The following KCNC4 variants were observed in gnomAD, a reference collection of about 807,000 sequenced individuals.
KCNC4 encodes the protein voltage-gated potassium channel KCNC4.
A neutral mutation model predicts 42.8 loss-of-function variants in KCNC4; 23 were observed. The observed-to-expected ratio is 0.54, with a 90% CI of 0.39 to 0.76. The LOEUF is 0.76. KCNC4 is among the 30% of genes least tolerant of loss of function. The pLI is 0.00. For synonymous variants in KCNC4, 422 were observed against 393.5 expected, an observed-to-expected ratio of 1.07 and a Z score of -0.86; for missense variants, 751 against 898.2, an observed-to-expected ratio of 0.84 and a Z score of 2.10.
rs1657367536 is a variant in KCNC4, at chr1:110,210,421, C to T, written c.-1079C>T. On this transcript the variant is annotated 5_prime_UTR_variant, in exon 1 of 4. Coordinates refer to ENST00000438661, the MANE Select transcript of KCNC4 (RefSeq NM_001039574.3). The stretch of plus-strand genomic sequence containing the variant: ...CTCCCCTATGCCACCTCGCGCCCGC[C>T]CCCTGCCGCGCGCGAGCCAAGGCCG... Among the ~76,000 whole-genome samples the T allele has an allele frequency of 6.6e-6, 1 of 151,546 alleles. No individual in the cohort carries two copies. Among genetic ancestry groups the T allele is most frequent in the African/African-American group, 2.4e-5 (1 of 41,344 alleles).
chr1:110,274,333 C>T (rs1478456569), intron 1 of KCNC4, among the ~76,000 whole-genome samples: 1 of 152,034 alleles, frequency 6.6e-6, no homozygotes, highest in Admixed American at 6.6e-5. Flanking sequence ...ATGAGGAAAA[C>T]TACAAAACAC....
At chr1:110,277,827 G>A (rs1659751575) in intron 1 of KCNC4, among the ~76,000 whole-genome samples, 1 of 151,976 alleles carries the variant, frequency 6.6e-6, no homozygotes, top group Admixed American at 6.6e-5. Flanking sequence ...TTTTGTGTGG[G>A]GTGTTATTAG....
chr1:110,227,616 G>A (rs1027202658), intron 3 of KCNC4, among the ~76,000 whole-genome samples: 1 of 152,204 alleles, frequency 6.6e-6, no homozygotes, highest in African/African-American at 2.4e-5. Context: ...TCCCAAACAG[G>A]CAGTGGCTTC....
At chr1:110,218,803 G>A (rs1465771904) in intron 1 of KCNC4, among the ~76,000 whole-genome samples, 1 of 152,182 alleles carries the variant, frequency 6.6e-6, no homozygotes, top group Non-Finnish European at 1.5e-5. Context: ...GGTTGGTGGA[G>A]GAGGATGGTA....
intron 1 of KCNC4, among the ~76,000 whole-genome samples, chr1:110,254,621 A>C (rs553936721): frequency 6.6e-6 from 1 of 152,318 alleles, no homozygotes; most frequent in African/African-American, 2.4e-5. Context: ...ATGCAGAATT[A>C]ATTGAATGAC....
Position 110,223,820 on chromosome 1 carries a change from A to T in KCNC4, c.1535A>T (p.Glu512Val). The change falls in exon 2 of 4, where the codon GAG becomes GTG. Residue 512 changes from glutamate to valine, a missense_variant. By Grantham distance (121) the Glu-to-Val change is moderately radical (BLOSUM62 -2). This residue lies in a region of KCNC4 where 202 missense variants were observed against 181.5 expected (regional missense o/e 1.11). Coordinates refer to ENST00000438661, the MANE Select transcript of KCNC4 (RefSeq NM_001039574.3). This position sits in a 1 kb window ranked among gnomAD's most constrained non-coding sequence, Gnocchi z 7.5. ...TCACCCATGTACTGCAAGTCTGAGG[A>T]GACTTCCCCCCGGGACAGCACCTGC... ...LESPMYCKSE[E>V]TSPRDSTCSD... 2.5e-6 allele frequency: 4 copies of T among 1,613,670 alleles called. No individual in the cohort carries two copies. The highest frequency in any genetic ancestry group is 3.4e-6 in the Non-Finnish European group (4 of 1,179,690).
At chr1:110,228,333 G>A (rs1571050050) in intron 3 of KCNC4, among the ~76,000 whole-genome samples, 1 of 152,124 alleles carries the variant, frequency 6.6e-6, no homozygotes, top group African/African-American at 2.4e-5. Context: ...AGCTTACCTG[G>A]GGGCAGGACA....
rs1434008943 is a variant in KCNC4 at position 110,227,832 on chromosome 1, A to T, written c.1819+1654A>T. ...TACCAGTCAGGAGGGACCACGAGGT[A>T]CTGGGAGTGGACTGCACCTGGGGAA... On this transcript the variant is annotated intron_variant, in intron 3 of 3. Coordinates refer to ENST00000438661, the MANE Select transcript of KCNC4 (RefSeq NM_001039574.3). Among the ~76,000 whole-genome samples the T allele has an allele frequency of 2.0e-5, 3 of 152,274 alleles. No individual in the cohort carries two copies. The East Asian group carries it at 5.8e-4, about 29-fold the overall frequency.
chr1:110,224,206 G>A (rs1274680756), intron 2 of KCNC4: 14 of 339,194 alleles, frequency 4.1e-5, no homozygotes, highest in Non-Finnish European at 7.5e-5. Context: ...ACTGTGCTGT[G>A]TGCCCTGAGG....
At chr1:110,214,707 A>G (rs369209661) in intron 1 of KCNC4, among the ~76,000 whole-genome samples, 1 of 152,338 alleles carries the variant, frequency 6.6e-6, no homozygotes, top group South Asian at 2.1e-4. Flanking sequence ...TTGTGATTAC[A>G]ACACCTTCTT....
At chr1:110,216,937 T>A (rs1301195396) in intron 1 of KCNC4, among the ~76,000 whole-genome samples, 2 of 152,140 alleles carry the variant, frequency 1.3e-5, no homozygotes, top group East Asian at 3.8e-4. Flanking sequence ...TGTCACTTTG[T>A]CCCAGTCAGT....
At chr1:110,242,634 C>G (rs1401710189) in exon 4 of KCNC4, 1 of 152,334 alleles carries the variant, frequency 6.6e-6, no homozygotes, top group Middle Eastern at 3.4e-3. Flanking sequence ...TTCTCTCTGT[C>G]GAGGACTTGG....
chr1:110,220,465 G>GCCTC (rs879326905), intron 1 of KCNC4: 5 of 110,242 alleles, frequency 4.5e-5, no homozygotes, highest in Non-Finnish European at 9.6e-5. Flanking sequence ...CCGGGGCCAT[G>GCCTC]CCGCCCTCCC....
At position 110,226,039 on chromosome 1, in the gene KCNC4, A is replaced by G; in HGVS notation, c.1680A>G (p.Gln560=). The G allele has an allele frequency of 1.2e-6, 2 of 1,613,160 alleles. No homozygotes were observed. Among genetic ancestry groups the G allele is most frequent in the Non-Finnish European group, 1.7e-6 (2 of 1,179,712 alleles). ...ATGAGGAGGGAGCTGGCCTCACCCAACCCCTGGCCTCCTCCCCGACCCCCG... is the reference window on the plus strand; with the variant it reads ...ATGAGGAGGGAGCTGGCCTCACCCAGCCCCTGGCCTCCTCCCCGACCCCCG... The part of the protein sequence containing the change: ...LSDEEGAGLT[Q]PLASSPTPEE... Residue 560 remains glutamine (Q), a synonymous_variant, in exon 3 of 4, where the codon CAA becomes CAG. Coordinates refer to ENST00000438661, the MANE Select transcript of KCNC4 (RefSeq NM_001039574.3).
intron 1 of KCNC4, among the ~76,000 whole-genome samples, chr1:110,276,845 A>G (rs1659736197): frequency 6.6e-6 from 1 of 152,158 alleles, no homozygotes; most frequent in Non-Finnish European, 1.5e-5. Flanking sequence ...AAAACAAACT[A>G]AAGACTGACA....
intron 3 of KCNC4, among the ~76,000 whole-genome samples, chr1:110,228,361 G>A (rs1216083643): frequency 6.6e-6 from 1 of 152,142 alleles, no homozygotes; most frequent in Non-Finnish European, 1.5e-5. Flanking sequence ...AGTCAGCTGG[G>A]TGTGGGGCCC....
chr1:110,264,872 G>A (rs767366633), intron 1 of KCNC4, among the ~76,000 whole-genome samples: 1 of 152,018 alleles, frequency 6.6e-6, no homozygotes, highest in Admixed American at 6.6e-5. Flanking sequence ...GCTTAAGGTC[G>A]GGAGTTCGAA....
chr1:110,230,821 A>C (rs1189356610), intron 3 of KCNC4, among the ~76,000 whole-genome samples: 1 of 152,178 alleles, frequency 6.6e-6, no homozygotes, highest in Non-Finnish European at 1.5e-5. Context: ...GGGCCCTGGG[A>C]AAGGGCAGGG....
downstream of KCNC4, chr1:110,235,767 G>A (rs1658891961): frequency 6.6e-6 from 1 of 152,254 alleles, no homozygotes; most frequent in African/African-American, 2.4e-5. Context: ...CCAAGGTAGG[G>A]AGCTGGTTAA....
Sources: gnomAD v4.1 joint callset for allele counts (sites outside exome capture counted in the v4.1 genomes callset) on GRCh38, gnomAD v4.1.1 for gene constraint, gnomAD v4.1.1 regional missense constraint, Gnocchi (gnomAD v3.1) non-coding constraint, MANE v1.5 for transcripts, NCBI Gene and HGNC (gene_info 2026-07-23, HGNC 2026-07-21) for gene names.